Variants in KCNB2 observed in about 807,000 individuals in gnomAD.
KCNB2 encodes the protein delayed rectifier potassium channel protein.
KCNB2 carries 15 observed loss-of-function variants against 61.5 expected under a neutral mutation model. The observed-to-expected ratio is 0.24, with a 90% CI of 0.16 to 0.38. The LOEUF is 0.38. KCNB2 is among the 10% of genes least tolerant of loss of function. KCNB2 has a pLI of 1.00. For missense variants in KCNB2, 828 were observed against 1,125.2 expected, an observed-to-expected ratio of 0.74 and a Z score of 3.78; for synonymous variants, 457 against 446.0, an observed-to-expected ratio of 1.02 and a Z score of -0.31.
At chr8:72,681,488 A>T (rs1806753105) in intron 2 of KCNB2, among the ~76,000 whole-genome samples, 1 of 152,192 alleles carries the variant, frequency 6.6e-6, no homozygotes, top group South Asian at 2.1e-4. Flanking sequence ...CAGGGGCAAT[A>T]ACATGCATAG....
intron 2 of KCNB2, among the ~76,000 whole-genome samples, chr8:72,791,136 T>G (rs979169844): frequency 3.9e-5 from 6 of 152,120 alleles, no homozygotes; most frequent in Non-Finnish European, 7.4e-5. Flanking sequence ...AGGCAAGATG[T>G]TAGAGACTCA....
chr8:72,642,451 A>G (rs1806070858), intron 2 of KCNB2, among the ~76,000 whole-genome samples: 1 of 152,124 alleles, frequency 6.6e-6, no homozygotes, highest in South Asian at 2.1e-4. Context: ...ATTATAAAGA[A>G]CACAGAGGCA....
intron 2 of KCNB2, among the ~76,000 whole-genome samples, chr8:72,603,239 A>G (rs1209473121): frequency 1.3e-5 from 2 of 152,182 alleles, no homozygotes; most frequent in Non-Finnish European, 2.9e-5. Flanking sequence ...CTGGCACACA[A>G]GGCCTTTCAT....
At chr8:72,659,653 C>T (rs1463091314) in intron 2 of KCNB2, among the ~76,000 whole-genome samples, 1 of 152,134 alleles carries the variant, frequency 6.6e-6, no homozygotes, top group African/African-American at 2.4e-5. Context: ...TCATTGTTGT[C>T]TTATTTTAAG....
At chr8:72,586,038 T>C (rs1806996235) in intron 2 of KCNB2, among the ~76,000 whole-genome samples, 1 of 152,204 alleles carries the variant, frequency 6.6e-6, no homozygotes, top group Non-Finnish European at 1.5e-5. Flanking sequence ...TCCACCAGCA[T>C]TCCTAAAAAA....
intron 2 of KCNB2, among the ~76,000 whole-genome samples, chr8:72,789,599 G>T (rs1808902734): frequency 6.6e-6 from 1 of 152,198 alleles, no homozygotes; most frequent in African/African-American, 2.4e-5. Flanking sequence ...CTTATATCAG[G>T]GAATGGCCCT....
chr8:72,710,677 G>C (rs576315508), intron 2 of KCNB2, among the ~76,000 whole-genome samples: 1 of 152,288 alleles, frequency 6.6e-6, no homozygotes, highest in East Asian at 1.9e-4. Context: ...GGACTCTTCA[G>C]TATGGCCAGA....
At chr8:72,805,748 AC>A (rs1809209330) in intron 2 of KCNB2, among the ~76,000 whole-genome samples, 1 of 152,126 alleles carries the variant, frequency 6.6e-6, no homozygotes, top group Non-Finnish European at 1.5e-5. Context: ...ATGTGACCCT[AC>A]CAACATCATT....
At chr8:72,757,186 T>A (rs973132840) in intron 2 of KCNB2, among the ~76,000 whole-genome samples, 2 of 152,008 alleles carry the variant, frequency 1.3e-5, no homozygotes, top group East Asian at 3.9e-4. Context: ...AGAACTGTCA[T>A]GAAAGACAAA....
chr8:72,903,491 G>A (rs1360470195), intron 2 of KCNB2, among the ~76,000 whole-genome samples: 1 of 152,194 alleles, frequency 6.6e-6, no homozygotes, highest in Non-Finnish European at 1.5e-5. Context: ...TAAGGCAGGA[G>A]GATCTCTTGA....
intron 2 of KCNB2, among the ~76,000 whole-genome samples, chr8:72,650,021 C>G (rs896096104): frequency 6.6e-5 from 10 of 152,132 alleles, no homozygotes; most frequent in African/African-American, 2.4e-4. Context: ...CAGCGTTCCA[C>G]CTCATTTCAT....
chr8:72,628,990 C>T (rs1805837767), intron 2 of KCNB2, among the ~76,000 whole-genome samples: 1 of 152,122 alleles, frequency 6.6e-6, no homozygotes, highest in African/African-American at 2.4e-5. Context: ...ACATTTTAGG[C>T]ACTAAATAAA....
At chr8:72,768,493 T>C (rs954558661) in intron 2 of KCNB2, among the ~76,000 whole-genome samples, 1 of 152,034 alleles carries the variant, frequency 6.6e-6, no homozygotes, top group African/African-American at 2.4e-5. Flanking sequence ...ACTTTCTTAG[T>C]GTAATTTTTT....
intron 1 of KCNB2, among the ~76,000 whole-genome samples, chr8:72,551,151 A>G (rs914872616): frequency 6.6e-6 from 1 of 152,102 alleles, no homozygotes; most frequent in Middle Eastern, 3.2e-3. Flanking sequence ...ATGATGTTCC[A>G]CTATAGCTTA....
chr8:72,903,226 T>C (rs1229421423), intron 2 of KCNB2, among the ~76,000 whole-genome samples: 4 of 152,148 alleles, frequency 2.6e-5, no homozygotes, highest in Admixed American at 2.0e-4. Context: ...TGATCCCTGG[T>C]AGCACTAGTA....
chr8:72,723,914 C>T (rs1053341408), intron 2 of KCNB2, among the ~76,000 whole-genome samples: 1 of 152,164 alleles, frequency 6.6e-6, no homozygotes, highest in Non-Finnish European at 1.5e-5. Context: ...CAAGTACTCT[C>T]TATGTGTGCA....
chr8:72,908,953 T>C (rs1444871207), intron 2 of KCNB2, among the ~76,000 whole-genome samples: 2 of 152,192 alleles, frequency 1.3e-5, no homozygotes, highest in Non-Finnish European at 2.9e-5. Context: ...CAAGTTGCTA[T>C]TTTTCTTCCC....
chr8:72,909,236 G>A (rs1585968804), intron 2 of KCNB2, among the ~76,000 whole-genome samples: 1 of 152,180 alleles, frequency 6.6e-6, no homozygotes, highest in African/African-American at 2.4e-5. Context: ...TGTGTCCCAG[G>A]TGACACGTGG....
At chr8:72,714,579 G>T (rs1018089803) in intron 2 of KCNB2, among the ~76,000 whole-genome samples, 3 of 152,060 alleles carry the variant, frequency 2.0e-5, no homozygotes, top group Non-Finnish European at 4.4e-5. Context: ...AAGTGAAGGA[G>T]AAATAAAATA....
Sources: allele counts gnomAD v4.1 joint callset (sites outside exome capture counted in the v4.1 genomes callset), GRCh38; gene constraint gnomAD v4.1.1; transcripts MANE v1.5; gene names NCBI Gene and HGNC (gene_info 2026-07-23, HGNC 2026-07-21).